APOBEC1: variants seen among roughly 807,000 people sequenced by gnomAD.
APOBEC1 encodes the protein apolipoprotein B mRNA editing enzyme catalytic subunit 1.
In APOBEC1, 22 loss-of-function variants were observed where a neutral mutation model predicts 26.3. The observed-to-expected ratio is 0.84, with a 90% CI of 0.60 to 1.19. The LOEUF (loss-of-function observed/expected upper bound fraction) is 1.19. Among genes scored for constraint, APOBEC1 ranks in the 50% most tolerant of loss-of-function variants. The pLI is 0.00. For missense variants in APOBEC1, 253 were observed against 289.0 expected (o/e 0.88, Z 0.90); for synonymous variants, 77 against 95.3 (o/e 0.81, Z 1.12).
chr12:7,652,412 G>A lies in APOBEC1; in HGVS notation c.442+26C>T, dbSNP rs774123023. On this transcript the variant is annotated intron_variant, in intron 3 of 4. Transcript: ENST00000229304. ...ATCACCACAGTCTGTTGTAAACAATGAAGTTTCTTTGTTTACTGTTTTTAC... is the reference window on the plus strand; with the variant it reads ...ATCACCACAGTCTGTTGTAAACAATAAAGTTTCTTTGTTTACTGTTTTTAC... The A allele has an allele frequency of 2.5e-6, 4 of 1,583,968 alleles. No individual in the cohort carries two copies. The Admixed American group carries it at 5.3e-5, about 21-fold the overall frequency.
At chr12:7,668,973 C>T (rs941953715), upstream of APOBEC1, among the ~76,000 whole-genome samples, 1 of 152,074 alleles carries the variant, frequency 6.6e-6, no homozygotes, top group African/African-American at 2.4e-5. Flanking sequence ...CTCAAGTGAT[C>T]CACCCACCTT....
At chr12:7,664,918 A>C (rs1427422180) in intron 1 of APOBEC1, among the ~76,000 whole-genome samples, 1 of 146,566 alleles carries the variant, frequency 6.8e-6, no homozygotes, top group Non-Finnish European at 1.5e-5. Flanking sequence ...AAAAAAAAAA[A>C]ATTTGGTTAG....
intron 3 of APOBEC1, among the ~76,000 whole-genome samples, chr12:7,651,400 G>A (rs1254098939): frequency 6.6e-6 from 1 of 152,086 alleles, no homozygotes; most frequent in South Asian, 2.1e-4. Flanking sequence ...TGGATCACAG[G>A]TCAGGAGATC....
chr12:7,649,554 C>T lies in APOBEC1; in HGVS notation c.704G>A (p.Trp235Ter), dbSNP rs74869200. The T allele has an allele frequency of 7.6e-5, 122 of 1,614,016 alleles. No individual in the cohort carries two copies. The South Asian group carries it at 1.1e-3, about 15-fold the overall frequency. The change falls in exon 5 of 5, where the codon TGG (tryptophan) becomes TAG (stop). Residue 235 changes from tryptophan to a stop codon, truncating the protein, a stop_gained. Coordinates refer to ENST00000229304, the MANE Select transcript of APOBEC1 (RefSeq NM_001644.5). LOFTEE classifies it high-confidence loss of function. ...ATGLIHPSVA[W>*]R is the part of the protein sequence containing the mutation. ...CACACGGAATCATCCTATTCATCTC[C>T]AAGCCACAGAAGGATGTATCAGCCC...
At chr12:7,658,707 CTT>C (rs1863751129) in intron 1 of APOBEC1, among the ~76,000 whole-genome samples, 1 of 150,718 alleles carries the variant, frequency 6.6e-6, no homozygotes, top group South Asian at 2.1e-4. Context: ...CGGTGGCTGA[CTT>C]TGGGAGGCTG....
At chr12:7,663,312 CAG>C (rs1478383466) in intron 1 of APOBEC1, among the ~76,000 whole-genome samples, 1 of 152,014 alleles carries the variant, frequency 6.6e-6, no homozygotes, top group African/African-American at 2.4e-5. Context: ...GGTTTTTTTG[CAG>C]AGAGTGGTTC....
intron 1 of APOBEC1, among the ~76,000 whole-genome samples, chr12:7,663,157 G>A (rs891243994): frequency 4.6e-5 from 7 of 152,106 alleles, no homozygotes; most frequent in Non-Finnish European, 1.0e-4. Flanking sequence ...TTTGAACAGA[G>A]AAGAGTCACA....
chr12:7,667,065 C>T (rs1863902533), upstream of APOBEC1, among the ~76,000 whole-genome samples: 1 of 151,998 alleles, frequency 6.6e-6, no homozygotes, highest in African/African-American at 2.4e-5. Flanking sequence ...GCACCCACCA[C>T]CACACCAGGC....
At chr12:7,653,663 A>G (rs1863677534) in intron 2 of APOBEC1, among the ~76,000 whole-genome samples, 1 of 151,978 alleles carries the variant, frequency 6.6e-6, no homozygotes, top group Non-Finnish European at 1.5e-5. Context: ...TAGAGGTGCT[A>G]TGTTCCAATC....
Position 7,652,591 on chromosome 12 carries a change from A to G in APOBEC1, c.289T>C (p.Ser97Pro). 6.2e-7 allele frequency: 1 copy of G among 1,614,218 alleles called. No homozygotes were observed. The highest frequency in any genetic ancestry group is 8.5e-7 in the Non-Finnish European group (1 of 1,180,042). Residue 97 changes from serine to proline, a missense_variant, in exon 3 of 5, where the codon TCC becomes CCC. Transcript: ENST00000229304. ...CTCAGAAACTCTCTAATAGCCTGGG[A>G]GCATTCCCAGCAGGGACTCCAGGAC... ...FLSWSPCWECSQAIREFLSRH... is the reference protein window; with the variant it reads ...FLSWSPCWECPQAIREFLSRH...
intron 1 of APOBEC1, among the ~76,000 whole-genome samples, chr12:7,664,669 C>A (rs188619080): frequency 6.6e-6 from 1 of 152,284 alleles, no homozygotes; most frequent in African/African-American, 2.4e-5. Flanking sequence ...AATCCCAGTA[C>A]TTTGGGAGGC....
upstream of APOBEC1, among the ~76,000 whole-genome samples, chr12:7,669,249 G>C (rs1651763703): frequency 2.0e-5 from 3 of 149,524 alleles, no homozygotes; most frequent in South Asian, 6.3e-4. Context: ...ATTTTTAGTA[G>C]AGACGGGGTT....
At chr12:7,654,700 T>C in intron 1 of APOBEC1, 68 bp from the exon 2 acceptor site, 2 of 1,460,198 alleles carry the variant, frequency 1.4e-6, no homozygotes, top group Non-Finnish European at 1.9e-6. Flanking sequence ...GAAAAAGTGC[T>C]CTATTATTCC....
chr12:7,667,608 A>C (rs1863909861), upstream of APOBEC1, among the ~76,000 whole-genome samples: 1 of 152,096 alleles, frequency 6.6e-6, no homozygotes, highest in African/African-American at 2.4e-5. Flanking sequence ...TAAGAGTAGA[A>C]TCATTGTAGA....
intron 1 of APOBEC1, among the ~76,000 whole-genome samples, chr12:7,659,335 ATATATATATATATATG>A (rs1339682893): frequency 2.5e-4 from 27 of 106,924 alleles, no homozygotes; most frequent in Non-Finnish European, 3.1e-4. Context: ...ATATATATAT[ATATATATATATATATG>A]TTTATATTTG....
chr12:7,652,859 A>G, intron 2 of APOBEC1, 24 bp from the exon 3 acceptor site: 6 of 1,547,470 alleles, frequency 3.9e-6, no homozygotes, highest in Non-Finnish European at 4.3e-6. Flanking sequence ...AGCAGCCCAC[A>G]CTGTCATGCC....
chr12:7,665,785 A>G, intron 1 of APOBEC1, 72 bp downstream of exon 1: 13 of 1,328,224 alleles, frequency 9.8e-6, no homozygotes, highest in Admixed American at 5.0e-5. Flanking sequence ...ACACACACAC[A>G]CACACACACA....
intron 1 of APOBEC1, among the ~76,000 whole-genome samples, chr12:7,662,010 T>C (rs149334882): frequency 5.8e-4 from 88 of 152,302 alleles, no homozygotes; most frequent in African/African-American, 2.1e-3. Flanking sequence ...TTCAGGAGGC[T>C]GAGGCGGGAG....
In APOBEC1 at chr12:7,652,825, C is replaced by T. The variant is rs267603686; in HGVS notation, c.55G>A (p.Glu19Lys). The T allele has an allele frequency of 1.3e-5, 21 of 1,579,336 alleles. No individual in the cohort carries two copies. The Admixed American group carries it at 1.5e-4, about 11-fold the overall frequency. Residue 19 changes from glutamate to lysine, a missense_variant, in exon 3 of 5, where the codon GAA becomes AAA. Transcript: ENST00000229304. The stretch of plus-strand genomic sequence containing the variant: ...TAGAAGACGTCAAACTCCCAGGGTT[C>T]GATTCTTCTCCTGAAATACAAAAAG... ...TGDPTLRRRI[E>K]PWEFDVFYDP...
Sources: allele counts gnomAD v4.1 joint callset (sites outside exome capture counted in the v4.1 genomes callset), GRCh38; gene constraint gnomAD v4.1.1; transcripts MANE v1.5; gene names NCBI Gene and HGNC (gene_info 2026-07-23, HGNC 2026-07-21).